ACAP2: variants seen among roughly 807,000 people sequenced by gnomAD.
ACAP2 encodes arf-GAP with coiled-coil, ANK repeat and PH domain-containing protein 2.
In ACAP2, 39 loss-of-function variants were observed where a neutral mutation model predicts 115.8. The observed-to-expected ratio is 0.34, with a 90% CI of 0.26 to 0.44. The LOEUF (loss-of-function observed/expected upper bound fraction) is 0.44. Ranked by LOEUF, ACAP2 falls within the 20% of genes least tolerant of loss-of-function variation. The pLI, the probability that ACAP2 is intolerant of heterozygous loss-of-function variation, is 1.00. For synonymous variants in ACAP2, 289 were observed against 315.8 expected (o/e 0.92, Z 0.90); for missense variants, 662 against 927.6 (o/e 0.71, Z 3.72).
intron 1 of ACAP2, among the ~76,000 whole-genome samples, chr3:195,439,108 C>T (rs1715809093): frequency 6.7e-6 from 1 of 149,940 alleles, no homozygotes; most frequent in Admixed American, 6.7e-5. Context: ...AAATGAAAAA[C>T]CTGCAGGATG....
chr3:195,413,918 T>A (rs1713495308), intron 1 of ACAP2, among the ~76,000 whole-genome samples: 2 of 151,406 alleles, frequency 1.3e-5, no homozygotes, highest in South Asian at 4.2e-4. Context: ...GAGGCTGCAA[T>A]GAGCTATGAC....
chr3:195,290,813 AAAAT>A (rs34104661), intron 20 of ACAP2, among the ~76,000 whole-genome samples: 379 of 138,428 alleles, frequency 2.7e-3, no homozygotes, highest in African/African-American at 7.8e-3. Context: ...ACTTTATCTC[AAAAT>A]AAATAAATAA....
At chr3:195,375,107 G>A (rs987257220) in intron 4 of ACAP2, among the ~76,000 whole-genome samples, 2 of 151,320 alleles carry the variant, frequency 1.3e-5, no homozygotes, top group African/African-American at 2.4e-5. Flanking sequence ...CAGGAGAATC[G>A]CTTGAACCCG....
chr3:195,329,079 CAA>C (rs57471736), intron 8 of ACAP2, among the ~76,000 whole-genome samples: 16 of 93,790 alleles, frequency 1.7e-4, no homozygotes, highest in Admixed American at 3.3e-4. Flanking sequence ...GACTCCGTCT[CAA>C]AAAAAAAAAA....
At chr3:195,390,482 A>C (rs1366932973) in intron 2 of ACAP2, among the ~76,000 whole-genome samples, 1 of 152,210 alleles carries the variant, frequency 6.6e-6, no homozygotes. Flanking sequence ...TATAGTTTCT[A>C]GACTATTTAT....
chr3:195,284,463 C>T (rs73206670), intron 22 of ACAP2, among the ~76,000 whole-genome samples: 220 of 152,294 alleles, frequency 1.4e-3, no homozygotes, highest in Non-Finnish European at 2.3e-3. Context: ...ACATCATGAG[C>T]CGCCTACTAT....
chr3:195,345,119 T>C, intron 5 of ACAP2, 140 bp downstream of exon 5: 1 of 669,086 alleles, frequency 1.5e-6, no homozygotes. Flanking sequence ...TAGGAAGAAA[T>C]GCAGCATGCA....
At chr3:195,282,965 A>T (rs1726601032) in intron 22 of ACAP2, among the ~76,000 whole-genome samples, 1 of 152,202 alleles carries the variant, frequency 6.6e-6, no homozygotes, top group African/African-American at 2.4e-5. Flanking sequence ...CAGGGACGGC[A>T]GCACATGAGA....
chr3:195,376,408 G>A (rs945459768), intron 4 of ACAP2, among the ~76,000 whole-genome samples: 3 of 151,796 alleles, frequency 2.0e-5, no homozygotes, highest in African/African-American at 7.3e-5. Context: ...TATATATATT[G>A]TGATAAAACA....
At chr3:195,360,139 T>G (rs908563452) in intron 4 of ACAP2, among the ~76,000 whole-genome samples, 1 of 151,716 alleles carries the variant, frequency 6.6e-6, no homozygotes, top group Non-Finnish European at 1.5e-5. Flanking sequence ...AAGAGACACA[T>G]CTCACCTATA....
At chr3:195,432,723 A>G (rs1370626992) in intron 1 of ACAP2, among the ~76,000 whole-genome samples, 1 of 152,218 alleles carries the variant, frequency 6.6e-6, no homozygotes, top group African/African-American at 2.4e-5. Flanking sequence ...CTTCAAAGAA[A>G]CCGGTTGGAA....
At chr3:195,292,475 T>C in intron 18 of ACAP2, 23 bp from the exon 19 acceptor site, 1 of 1,563,702 alleles carries the variant, frequency 6.4e-7, no homozygotes, top group Non-Finnish European at 8.6e-7. Flanking sequence ...CACATACACA[T>C]CAATAAAAAT....
intron 8 of ACAP2, among the ~76,000 whole-genome samples, chr3:195,332,589 T>C (rs1200153705): frequency 2.0e-5 from 3 of 152,212 alleles, no homozygotes; most frequent in Non-Finnish European, 4.4e-5. Flanking sequence ...GATTTGGCTG[T>C]GTCCCCACCC....
chr3:195,379,632 AAAAC>A (rs922521271), intron 4 of ACAP2, among the ~76,000 whole-genome samples: 15 of 152,138 alleles, frequency 9.9e-5, no homozygotes, highest in African/African-American at 2.9e-4. Context: ...ATCTCTACCA[AAAAC>A]AAACAAACAA....
At chr3:195,408,389 G>A (rs537273873) in intron 1 of ACAP2, among the ~76,000 whole-genome samples, 21 of 152,164 alleles carry the variant, frequency 1.4e-4, no homozygotes, top group African/African-American at 4.3e-4. Flanking sequence ...ACTTGAGCCC[G>A]AAAAGCAGAA....
At chr3:195,364,125 C>T (rs974123096) in intron 4 of ACAP2, among the ~76,000 whole-genome samples, 8 of 152,062 alleles carry the variant, frequency 5.3e-5, no homozygotes, top group Admixed American at 3.9e-4. Context: ...AGTTAAAAAC[C>T]TTCTGCATAG....
chr3:195,278,210 T>C lies in ACAP2; in HGVS notation c.*1118A>G, dbSNP rs939585739. On this transcript the variant is annotated 3_prime_UTR_variant, in exon 23 of 23. Coordinates refer to ENST00000326793, the MANE Select transcript of ACAP2 (RefSeq NM_012287.6). ...TAATATTTTGGAATTCAGGGGTCTG[T>C]GAATCATGTAACCGAATACTAAAGC... is the stretch of plus-strand genomic sequence containing the variant. The C allele has an allele frequency of 1.3e-5, 2 of 152,192 alleles. No homozygotes were observed. Among genetic ancestry groups the C allele is most frequent in the Non-Finnish European group, 2.9e-5 (2 of 68,028 alleles). 9.4% of individuals were successfully genotyped at this position (152,192 alleles called of 1,614,324 possible).
At chr3:195,315,038 G>C (rs1051595900) in intron 10 of ACAP2, among the ~76,000 whole-genome samples, 1 of 152,180 alleles carries the variant, frequency 6.6e-6, no homozygotes, top group Non-Finnish European at 1.5e-5. Context: ...GGCTGATTGA[G>C]ACAGGGTCTC....
intron 20 of ACAP2, among the ~76,000 whole-genome samples, chr3:195,290,846 A>AATT (rs1727197302): frequency 1.6e-5 from 2 of 126,840 alleles, no homozygotes; most frequent in Non-Finnish European, 3.2e-5. Flanking sequence ...ATAAATAAAT[A>AATT]AATAATAAAT....
Sources: allele counts gnomAD v4.1 joint callset (sites outside exome capture counted in the v4.1 genomes callset), GRCh38; gene constraint gnomAD v4.1.1; transcripts MANE v1.5; gene names NCBI Gene and HGNC (gene_info 2026-07-23, HGNC 2026-07-21).